NAPA: variants seen among roughly 807,000 people sequenced by gnomAD.
NAPA encodes alpha-soluble NSF attachment protein.
A neutral mutation model predicts 48.0 loss-of-function variants in NAPA; 18 were observed. The observed-to-expected ratio is 0.38, with a 90% CI of 0.26 to 0.56. The LOEUF (loss-of-function observed/expected upper bound fraction) is 0.56, where lower values mean the gene tolerates loss of function less well. Among genes scored for constraint, NAPA ranks in the 20% least tolerant of loss-of-function variants. The pLI, the probability that NAPA is intolerant of heterozygous loss-of-function variation, is 0.77. For missense variants in NAPA, 315 were observed against 385.0 expected (o/e 0.82, Z 1.52); for synonymous variants, 152 against 149.9 (o/e 1.01, Z -0.10).
chr19:47,490,323 T>TGTGTGCGATATGTGTG (rs1968214763), intron 9 of NAPA, among the ~76,000 whole-genome samples: 1 of 146,366 alleles, frequency 6.8e-6, no homozygotes. Flanking sequence ...GTGTGTAGTG[T>TGTGTGCGATATGTGTG]GTGTGCGATA....
chr19:47,489,956 A>C (rs894713578), intron 9 of NAPA, among the ~76,000 whole-genome samples, 195 bp from the exon 10 acceptor site: 3 of 152,180 alleles, frequency 2.0e-5, no homozygotes, highest in Admixed American at 6.5e-5. Context: ...TATTCATCAG[A>C]AACGGCTTGC....
At chr19:47,489,188 T>C (rs1381056958) in intron 10 of NAPA, 1 of 156,174 alleles carries the variant, frequency 6.4e-6, no homozygotes, top group Non-Finnish European at 1.4e-5. Context: ...GAGGAGTGAA[T>C]CAGGACCTGA....
rs1568469221 is a variant in NAPA, at chr19:47,503,504, T to C, written c.99-2A>G. On this transcript the variant is annotated splice_acceptor_variant, in intron 1 of 10. Transcript: ENST00000263354. LOFTEE classifies it high-confidence loss of function. ...GCTTCCTCTATTTTGGATGAGCCTC[T>C]GGGGAAAAAGGAAAGAAAAAAAGGA... The C allele has an allele frequency of 6.2e-7, 1 of 1,614,020 alleles. No individual in the cohort carries two copies. Among genetic ancestry groups the C allele is most frequent in the South Asian group, 1.1e-5 (1 of 91,082 alleles).
chr19:47,500,263 C>T (rs1235633361), intron 3 of NAPA, among the ~76,000 whole-genome samples: 2 of 152,336 alleles, frequency 1.3e-5, no homozygotes, highest in South Asian at 2.1e-4. Flanking sequence ...TCCCCGCCCC[C>T]CACACCGCTC....
chr19:47,492,302 G>A lies in NAPA; in HGVS notation c.562-183C>T, dbSNP rs114233174. 4,707 of 578,430 alleles carry A rather than the reference G, an allele frequency of 8.1e-3. 82 individuals are homozygous for A. Among genetic ancestry groups the A allele is most frequent in the African/African-American group, 0.04 (2,147 of 53,446 alleles). 35.8% of individuals were successfully genotyped at this position (578,430 alleles called of 1,614,324 possible). On this transcript the variant is annotated intron_variant, in intron 7 of 10. Transcript: ENST00000263354. ...TTGGAGAGGTCAGCGGCCAGTGCGT[G>A]AGCGACCAAGATCAGGGTGTGATGG...
intron 1 of NAPA, among the ~76,000 whole-genome samples, chr19:47,511,202 C>T (rs1034237759): frequency 2.0e-5 from 3 of 152,314 alleles, no homozygotes; most frequent in Non-Finnish European, 2.9e-5. Context: ...CGGCAGCTAC[C>T]AAGGACCTTG....
At chr19:47,485,974 T>C (rs1968063507), downstream of NAPA, among the ~76,000 whole-genome samples, 1 of 152,092 alleles carries the variant, frequency 6.6e-6, no homozygotes, top group South Asian at 2.1e-4. Context: ...AATGAAAAAA[T>C]GAAGTTACAG....
At chr19:47,510,029 C>T (rs1968775913) in intron 1 of NAPA, among the ~76,000 whole-genome samples, 1 of 152,240 alleles carries the variant, frequency 6.6e-6, no homozygotes, top group Non-Finnish European at 1.5e-5. Flanking sequence ...CTCTCGGATT[C>T]CCCAGAAACC....
At chr19:47,509,349 TAAATA>T (rs1210141621) in intron 1 of NAPA, among the ~76,000 whole-genome samples, 83 of 92,184 alleles carry the variant, frequency 9.0e-4, no homozygotes, top group African/African-American at 3.3e-3. Flanking sequence ...TAAAATAAAA[TAAATA>T]AAATAAAATA....
In NAPA at chr19:47,487,714, GGAA is replaced by G. The variant is rs746376605; in HGVS notation, c.*571_*573del. 1 of 152,486 alleles carries G rather than the reference GGAA, an allele frequency of 6.6e-6. No individual in the cohort carries two copies. Among genetic ancestry groups the G allele is most frequent in the Non-Finnish European group, 1.5e-5 (1 of 68,238 alleles). The allele number at this position is 152,486 out of a possible 1,614,324, so 9.4% of individuals were successfully genotyped here. A position where few individuals can be genotyped will look rare whatever the true frequency, so the allele number is the denominator to read the frequency against. Reference sequence around the variant, plus strand: ...AACCAAGAAAACCTCAAAGCATTAGGGAAGGAGCAGGTGTGGGGCTGGGGTGGG... The same window carrying G: ...AACCAAGAAAACCTCAAAGCATTAGGGGAGCAGGTGTGGGGCTGGGGTGGG... On this transcript the variant is annotated 3_prime_UTR_variant, in exon 11 of 11. Coordinates refer to ENST00000263354, the MANE Select transcript of NAPA (RefSeq NM_003827.4).
At chr19:47,486,078 G>A (rs1012282730), downstream of NAPA, among the ~76,000 whole-genome samples, 7 of 152,180 alleles carry the variant, frequency 4.6e-5, no homozygotes, top group Admixed American at 2.0e-4. Context: ...AAAACAGGCC[G>A]GGCCTGGTGG....
chr19:47,498,165 T>C (rs2122749524), intron 3 of NAPA, among the ~76,000 whole-genome samples: 1 of 152,320 alleles, frequency 6.6e-6, no homozygotes, highest in East Asian at 1.9e-4. Context: ...GAGGGAGTCC[T>C]GGAGGAAGCC....
At position 47,506,711 on chromosome 19, in the gene NAPA, C is replaced by G. The variant is rs1008166461; in HGVS notation, c.99-3209G>C. On this transcript the variant is annotated intron_variant, in intron 1 of 10. Transcript: ENST00000263354. The surrounding 1 kb of genome is among the most constrained non-coding windows in gnomAD (Gnocchi z 4.0). ...TGAAACTCTGTGATCCCAGGCTAAG[C>G]ACAGCCAACCCTGCACGGGGTCAAT... 1 of 152,324 alleles carries G rather than the reference C, an allele frequency of 6.6e-6. No individual in the cohort carries two copies. Among genetic ancestry groups the G allele is most frequent in the African/African-American group, 2.4e-5 (1 of 41,462 alleles). The allele number at this position is 152,324 out of a possible 1,614,324, so 9.4% of individuals were successfully genotyped here. A position where few individuals can be genotyped will look rare whatever the true frequency, so the allele number is the denominator to read the frequency against.
chr19:47,490,095 G>A (rs986693614), intron 9 of NAPA, among the ~76,000 whole-genome samples: 6 of 147,604 alleles, frequency 4.1e-5, no homozygotes, highest in Admixed American at 4.1e-4. Flanking sequence ...TTGGGGTGTG[G>A]TGTGTAGGGG....
At position 47,493,967 on chromosome 19, in the gene NAPA, C is replaced by T. The variant is rs1248099351; in HGVS notation, c.343-474G>A. The stretch of plus-strand genomic sequence containing the variant: ...TACCAGCTCTGCCCCCAGGCCAACA[C>T]CTATCTGTCAGCCTCCCCCAGGCAC... On this transcript the variant is annotated intron_variant, in intron 4 of 10. Transcript: ENST00000263354. The surrounding 1 kb of genome is among the most constrained non-coding windows in gnomAD (Gnocchi z 6.4). 2.0e-5 allele frequency among the ~76,000 whole-genome samples: 3 copies of T among 152,204 alleles called. No homozygotes were observed. The highest frequency in any genetic ancestry group is 6.5e-5 in the Admixed American group (1 of 15,280).
chr19:47,493,317 T>C lies in NAPA; in HGVS notation c.420+99A>G. 1 of 1,513,920 alleles carries C rather than the reference T, an allele frequency of 6.6e-7. No individual in the cohort carries two copies. The highest frequency in any genetic ancestry group is 9.1e-7 in the Non-Finnish European group (1 of 1,097,572). The allele number at this position is 1,513,920 out of a possible 1,614,324, so 93.8% of individuals were successfully genotyped here. A position where few individuals can be genotyped will look rare whatever the true frequency, so the allele number is the denominator to read the frequency against. On this transcript the variant is annotated intron_variant, in intron 5 of 10. Coordinates refer to ENST00000263354, the MANE Select transcript of NAPA (RefSeq NM_003827.4). The surrounding 1 kb of genome is among the most constrained non-coding windows in gnomAD (Gnocchi z 6.4). ...AGCTCTGCCGGCGCCCCATGCCCCC[T>C]TCTCGGCACTCAGACACCAGAGGAC...
In NAPA at chr19:47,513,830, TTTTC is replaced by T. The variant is rs1211575788; in HGVS notation, c.98+1009_98+1012del. 1.6e-3 allele frequency among the ~76,000 whole-genome samples: 241 copies of T among 146,508 alleles called. 1 individual carries two copies. Among genetic ancestry groups the T allele is most frequent in the African/African-American group, 3.7e-3 (137 of 37,490 alleles). ...CCTCAACCCAGGCCTCCTCAGGCTT[TTTTC>T]TTTCTTTCTTTCTTTTTTTTTTTTT... On this transcript the variant is annotated intron_variant, in intron 1 of 10. Transcript: ENST00000263354.
intron 1 of NAPA, among the ~76,000 whole-genome samples, chr19:47,513,562 G>A (rs73940874): frequency 0.035 from 5,348 of 152,220 alleles, 289 homozygotes; most frequent in African/African-American, 0.12. Flanking sequence ...ATCACAGGAT[G>A]GTCGTGTCAG....
chr19:47,490,434 TGGTGTG>T (rs1968223473), intron 9 of NAPA, among the ~76,000 whole-genome samples: 1 of 99,164 alleles, frequency 1.0e-5, no homozygotes, highest in Non-Finnish European at 2.0e-5. Flanking sequence ...GTGTGTGGTG[TGGTGTG>T]ATGTGTGTGG....
Sources: allele counts gnomAD v4.1 joint callset (sites outside exome capture counted in the v4.1 genomes callset), GRCh38; gene constraint gnomAD v4.1.1; non-coding constraint Gnocchi (gnomAD v3.1); transcripts MANE v1.5; gene names NCBI Gene and HGNC (gene_info 2026-07-23, HGNC 2026-07-21).